PPHLN1: variants seen among roughly 807,000 people sequenced by gnomAD.
PPHLN1 encodes periphilin-1.
Under a neutral mutation model 51.3 loss-of-function variants are expected in PPHLN1, and 29 were observed. That is an observed-to-expected ratio of 0.57 (90% CI 0.42 to 0.77). PPHLN1 has a LOEUF of 0.77. Among genes scored for constraint, PPHLN1 ranks in the 30% least tolerant of loss-of-function variants. PPHLN1 has a pLI of 0.00. For synonymous variants in PPHLN1, 147 were observed against 147.8 expected, an observed-to-expected ratio of 0.99 and a Z score of 0.04; for missense variants, 436 against 438.4, an observed-to-expected ratio of 0.99 and a Z score of 0.05.
At chr12:42,343,277 C>A (rs537967383) in intron 2 of PPHLN1, among the ~76,000 whole-genome samples, 3 of 152,172 alleles carry the variant, frequency 2.0e-5, no homozygotes, top group Admixed American at 6.5e-5. Flanking sequence ...TCTTTTTATG[C>A]CCCACATATT....
chr12:42,386,512 G>A (rs868261397), intron 6 of PPHLN1, among the ~76,000 whole-genome samples: 4 of 152,250 alleles, frequency 2.6e-5, no homozygotes, highest in Non-Finnish European at 2.9e-5. Flanking sequence ...TTTCAAAGTC[G>A]TTTTATCTCT....
chr12:42,377,229 A>T (rs1470224344), intron 5 of PPHLN1, among the ~76,000 whole-genome samples: 1 of 151,968 alleles, frequency 6.6e-6, no homozygotes, highest in East Asian at 1.9e-4. Flanking sequence ...CTAAGCACTA[A>T]TGAATGCTCA....
chr12:42,444,941 T>A (rs1462387391), downstream of PPHLN1: 4 of 643,050 alleles, frequency 6.2e-6, no homozygotes, highest in African/African-American at 1.8e-5. Context: ...GATTTACTAG[T>A]ACTCAGAGAG....
chr12:42,426,172 CCACACACACACACACACA>C (rs71084653), intron 9 of PPHLN1, among the ~76,000 whole-genome samples: 34,312 of 122,152 alleles, frequency 0.28, 5,341 homozygotes, highest in Middle Eastern at 0.36. Flanking sequence ...AGACTTGACA[CCACACACACACACACACA>C]CACACACACA....
At chr12:42,406,037 C>G (rs2079262687) in intron 9 of PPHLN1, among the ~76,000 whole-genome samples, 3 of 151,948 alleles carry the variant, frequency 2.0e-5, no homozygotes, top group Non-Finnish European at 2.9e-5. Context: ...AACCTTTACC[C>G]CCTTCAAGGT....
rs565645883 is a variant in PPHLN1, at chr12:42,441,225, G to A, written c.910-90G>A. 15 of 1,440,508 alleles carry A rather than the reference G, an allele frequency of 1.0e-5. 1 individual carries two copies. The South Asian group carries it at 2.1e-4, about 21-fold the overall frequency. 89.2% of individuals were successfully genotyped at this position (1,440,508 alleles called of 1,614,324 possible). ...TCTTTTTTGTGTCTCTCTTTTAGAT[G>A]TCAGCATCATAATTCTGCCAACTCA... On this transcript the variant is annotated intron_variant, in intron 9 of 9. Coordinates refer to ENST00000358314, the MANE Select transcript of PPHLN1 (RefSeq NM_201439.2).
intron 3 of PPHLN1, among the ~76,000 whole-genome samples, chr12:42,354,133 G>A (rs2073758791): frequency 6.6e-6 from 1 of 152,180 alleles, no homozygotes; most frequent in Non-Finnish European, 1.5e-5. Flanking sequence ...AGTGTGTGAT[G>A]CTAAAGAGGA....
intron 7 of PPHLN1, among the ~76,000 whole-genome samples, chr12:42,387,986 G>T (rs933846586): frequency 1.3e-5 from 2 of 152,178 alleles, no homozygotes; most frequent in South Asian, 4.1e-4. Flanking sequence ...CTCTAGTCTC[G>T]ATAAACCAGG....
At chr12:42,447,362 G>A (rs573774375), downstream of PPHLN1, 1 of 152,232 alleles carries the variant, frequency 6.6e-6, no homozygotes, top group South Asian at 2.1e-4. Flanking sequence ...GTTCTGTTCT[G>A]CTGCCTTTTA....
chr12:42,440,859 G>A (rs1032901815), intron 9 of PPHLN1, among the ~76,000 whole-genome samples: 19 of 152,238 alleles, frequency 1.2e-4, no homozygotes, highest in Non-Finnish European at 2.6e-4. Flanking sequence ...GCTAACAGGT[G>A]TGAGACACCG....
intron 4 of PPHLN1, among the ~76,000 whole-genome samples, chr12:42,360,647 A>G (rs981953173): frequency 1.3e-4 from 19 of 151,568 alleles, no homozygotes; most frequent in African/African-American, 4.6e-4. Flanking sequence ...GGCGTGTGCC[A>G]CCACCGCTGG....
In PPHLN1 at chr12:42,385,016, C is replaced by G; in HGVS notation, c.568+20C>G. The G allele has an allele frequency of 6.3e-7, 1 of 1,587,726 alleles. No homozygotes were observed. Among genetic ancestry groups the G allele is most frequent in the Non-Finnish European group, 8.7e-7 (1 of 1,156,066 alleles). ...AAAGAGGTGAGTTTTGAGCTAGACT[C>G]TGATTTGGGATTGTGAAGGGGTGGG... On this transcript the variant is annotated intron_variant, in intron 6 of 9. Coordinates refer to ENST00000358314, the MANE Select transcript of PPHLN1 (RefSeq NM_201439.2).
At chr12:42,425,038 T>TATG (rs1555219788) in intron 9 of PPHLN1, among the ~76,000 whole-genome samples, 5 of 136,964 alleles carry the variant, frequency 3.7e-5, no homozygotes, top group African/African-American at 1.4e-4. Context: ...TTATTTTATT[T>TATG]TATGTATGTA....
chr12:42,384,131 T>G (rs1669907), intron 5 of PPHLN1, among the ~76,000 whole-genome samples: 102,347 of 151,802 alleles, frequency 0.67, 34,728 homozygotes, highest in Admixed American at 0.71. Context: ...AGGATACTGC[T>G]TCCTCAACAT....
At chr12:42,343,543 C>T (rs893569174) in intron 2 of PPHLN1, among the ~76,000 whole-genome samples, 8 of 151,936 alleles carry the variant, frequency 5.3e-5, no homozygotes, top group African/African-American at 1.5e-4. Context: ...GTATCCTTCC[C>T]GTTAACTACT....
chr12:42,413,191 C>T lies in PPHLN1; in HGVS notation c.909+14197C>T, dbSNP rs572501732. Among the ~76,000 whole-genome samples, 64 of 152,250 alleles carry T rather than the reference C, an allele frequency of 4.2e-4. 1 individual carries two copies. The East Asian group carries it at 0.012, about 28-fold the overall frequency. The stretch of plus-strand genomic sequence containing the variant: ...TTAGTCATAAATTCTTTGCTTAGGC[C>T]AATGTCCAGAAGAGTTTTTCCCAGG... On this transcript the variant is annotated intron_variant, in intron 9 of 9. Coordinates refer to ENST00000358314, the MANE Select transcript of PPHLN1 (RefSeq NM_201439.2).
At chr12:42,353,161 A>G (rs2073608605) in intron 3 of PPHLN1, among the ~76,000 whole-genome samples, 1 of 152,180 alleles carries the variant, frequency 6.6e-6, no homozygotes, top group Admixed American at 6.5e-5. Flanking sequence ...ATAATGTAGA[A>G]GTATGTATTT....
intron 4 of PPHLN1, among the ~76,000 whole-genome samples, chr12:42,361,899 G>C (rs1330829883): frequency 6.6e-6 from 1 of 152,196 alleles, no homozygotes; most frequent in Non-Finnish European, 1.5e-5. Flanking sequence ...ATATGTAAGA[G>C]TGGAATTACT....
chr12:42,352,266 T>C (rs1938838803), intron 3 of PPHLN1, among the ~76,000 whole-genome samples: 1 of 152,096 alleles, frequency 6.6e-6, no homozygotes, highest in South Asian at 2.1e-4. Context: ...TGGCACTATC[T>C]AAATGAAATT....
Sources: gnomAD v4.1 joint callset for allele counts (sites outside exome capture counted in the v4.1 genomes callset) on GRCh38, gnomAD v4.1.1 for gene constraint, MANE v1.5 for transcripts, NCBI Gene and HGNC (gene_info 2026-07-23, HGNC 2026-07-21) for gene names.